The following GGTA1 variants were observed in gnomAD, a reference collection of about 807,000 sequenced individuals.
GGTA1 encodes the protein glycoprotein alpha-galactosyltransferase 1 (inactive).
In GGTA1, 5 loss-of-function variants were observed where a neutral mutation model predicts 2.6. That is an observed-to-expected ratio of 1.92 (90% CI 1.00 to 4.04). GGTA1 has a LOEUF of 4.04. Among genes scored for constraint, GGTA1 ranks in the 30% most tolerant of loss-of-function variants. The pLI, the probability that GGTA1 is intolerant of heterozygous loss-of-function variation, is 0.00. For synonymous variants in GGTA1, 17 were observed against 5.0 expected (o/e 3.38, Z -3.19); for missense variants, 50 against 16.7 (o/e 2.99, Z -3.47).
At chr9:121,477,320 T>C (rs1432771248) in intron 1 of GGTA1, among the ~76,000 whole-genome samples, 1 of 152,260 alleles carries the variant, frequency 6.6e-6, no homozygotes, top group East Asian at 1.9e-4. Context: ...TTCTCTTTTA[T>C]TGGAAATGAT....
chr9:121,456,821 G>A (rs553381819), intron 5 of GGTA1, among the ~76,000 whole-genome samples: 5 of 152,254 alleles, frequency 3.3e-5, no homozygotes, highest in East Asian at 3.9e-4. Context: ...ACAGACATGC[G>A]CCACTGCATC....
chr9:121,485,584 G>A (rs888052295), intron 1 of GGTA1, among the ~76,000 whole-genome samples: 1 of 152,186 alleles, frequency 6.6e-6, no homozygotes. Flanking sequence ...AAGCAGTGGG[G>A]TGAAGACAAG....
At chr9:121,480,642 T>TC (rs1485944939) in intron 1 of GGTA1, among the ~76,000 whole-genome samples, 2 of 152,112 alleles carry the variant, frequency 1.3e-5, no homozygotes, top group Non-Finnish European at 2.9e-5. Context: ...TTCCTCCCGT[T>TC]CCCCAGAAGG....
At chr9:121,475,663 T>C (rs1205645516) in intron 1 of GGTA1, among the ~76,000 whole-genome samples, 6 of 152,226 alleles carry the variant, frequency 3.9e-5, no homozygotes, top group African/African-American at 1.4e-4. Flanking sequence ...GATGCTTTAC[T>C]GAACAAGATT....
chr9:121,467,220 T>C (rs1443934281), intron 2 of GGTA1, among the ~76,000 whole-genome samples: 3 of 152,158 alleles, frequency 2.0e-5, no homozygotes, highest in Non-Finnish European at 4.4e-5. Context: ...GGCATTGTAG[T>C]TTCAAAAGGC....
chr9:121,487,103 G>A (rs537285659), intron 1 of GGTA1, among the ~76,000 whole-genome samples: 68 of 152,272 alleles, frequency 4.5e-4, no homozygotes, highest in Non-Finnish European at 8.2e-4. Context: ...CAGGTTGTCG[G>A]GCACACAGAG....
At chr9:121,451,566 A>C (rs570481953), downstream of GGTA1, among the ~76,000 whole-genome samples, 50 of 152,308 alleles carry the variant, frequency 3.3e-4, no homozygotes, top group African/African-American at 1.1e-3. Flanking sequence ...ACTGGAACCT[A>C]TCCAACCTTT....
chr9:121,465,167 C>T (rs559073516), intron 2 of GGTA1, among the ~76,000 whole-genome samples: 1 of 152,362 alleles, frequency 6.6e-6, no homozygotes, highest in East Asian at 1.9e-4. Context: ...AGAGAGTGTG[C>T]CCAGAGAGGC....
intron 1 of GGTA1, among the ~76,000 whole-genome samples, chr9:121,478,805 C>T (rs1282885529): frequency 6.6e-6 from 1 of 152,188 alleles, no homozygotes. Flanking sequence ...AATCTAAAGG[C>T]TGAATCCAGC....
intron 1 of GGTA1, among the ~76,000 whole-genome samples, chr9:121,477,432 G>A (rs928167120): frequency 6.6e-6 from 1 of 152,044 alleles, no homozygotes; most frequent in Admixed American, 6.6e-5. Context: ...TTTTGTATTA[G>A]TTTTACATCA....
intron 2 of GGTA1, among the ~76,000 whole-genome samples, chr9:121,465,766 A>T (rs184645324): frequency 8.2e-4 from 125 of 152,314 alleles, no homozygotes; most frequent in African/African-American, 2.9e-3. Flanking sequence ...TAGTGGCCTG[A>T]ACTAAAATGA....
intron 1 of GGTA1, among the ~76,000 whole-genome samples, chr9:121,491,943 A>C (rs1828877536): frequency 1.3e-5 from 2 of 152,278 alleles, no homozygotes; most frequent in Non-Finnish European, 2.9e-5. Flanking sequence ...TATGGCCTCC[A>C]TGTGGGCAGG....
chr9:121,455,823 T>C lies in GGTA1; in HGVS notation c.*14A>G. ...GTCAGAAAACCAGAGTCCAGTTTAG[T>C]TATTCGGATTCCTTCAAGCTGGAAG... is the stretch of plus-strand genomic sequence containing the variant. On this transcript the variant is annotated 3_prime_UTR_variant, in exon 6 of 6. Coordinates refer to ENST00000481799, the MANE Select transcript of GGTA1 (RefSeq NM_001382585.1). 1 of 454,682 alleles carries C rather than the reference T, an allele frequency of 2.2e-6. No individual in the cohort carries two copies. The highest frequency in any genetic ancestry group is 1.6e-5 in the South Asian group (1 of 64,216). The allele number at this position is 454,682 out of a possible 1,614,324, so 28.2% of individuals were successfully genotyped here. A position where few individuals can be genotyped will look rare whatever the true frequency, so the allele number is the denominator to read the frequency against.
chr9:121,465,336 C>G (rs1384334261), intron 2 of GGTA1, among the ~76,000 whole-genome samples: 3 of 152,248 alleles, frequency 2.0e-5, no homozygotes, highest in African/African-American at 7.2e-5. Flanking sequence ...CCAAAGGGTA[C>G]TTGTTCTTCT....
intron 7 of GGTA1, among the ~76,000 whole-genome samples, chr9:121,449,369 C>A (rs1374846993): frequency 6.6e-6 from 1 of 152,170 alleles, no homozygotes; most frequent in Non-Finnish European, 1.5e-5. Flanking sequence ...TAAGAAACTG[C>A]CAAATTGTCT....
chr9:121,479,079 A>G (rs894173931), intron 1 of GGTA1: 2 of 456,386 alleles, frequency 4.4e-6, no homozygotes, highest in African/African-American at 4.0e-5. Flanking sequence ...GAAGTCCCTG[A>G]GCCGGCATCC....
intron 1 of GGTA1, chr9:121,479,176 C>T (rs571106383): frequency 2.2e-6 from 1 of 450,732 alleles, no homozygotes; most frequent in East Asian, 7.0e-5. Flanking sequence ...GGGCGATCCA[C>T]CCGTGACCCC....
At chr9:121,477,321 T>A (rs1828531232) in intron 1 of GGTA1, among the ~76,000 whole-genome samples, 1 of 152,258 alleles carries the variant, frequency 6.6e-6, no homozygotes, top group Non-Finnish European at 1.5e-5. Context: ...TCTCTTTTAT[T>A]GGAAATGATT....
At chr9:121,481,825 C>T (rs1828659883) in intron 1 of GGTA1, among the ~76,000 whole-genome samples, 2 of 150,456 alleles carry the variant, frequency 1.3e-5, no homozygotes, top group Non-Finnish European at 3.0e-5. Flanking sequence ...GGAGAAACCC[C>T]GTCTCTACTA....
Sources: gnomAD v4.1 joint callset for allele counts (sites outside exome capture counted in the v4.1 genomes callset) on GRCh38, gnomAD v4.1.1 for gene constraint, MANE v1.5 for transcripts, NCBI Gene and HGNC (gene_info 2026-07-23, HGNC 2026-07-21) for gene names.